Variants in AREL1 observed in about 807,000 individuals in gnomAD.
AREL1 encodes the protein apoptosis resistant E3 ubiquitin protein ligase 1, also known as apoptosis-resistant E3 ubiquitin protein ligase 1.
Under a neutral mutation model 99.0 loss-of-function variants are expected in AREL1, and 62 were observed. That is an observed-to-expected ratio of 0.63 (90% CI 0.51 to 0.77). The LOEUF is 0.77. Among genes scored for constraint, AREL1 ranks in the 30% least tolerant of loss-of-function variants. AREL1 has a pLI of 0.00. For missense variants in AREL1, 879 were observed against 1,027.6 expected (o/e 0.86, Z 1.98); for synonymous variants, 380 against 376.5 (o/e 1.01, Z -0.11).
rs764580656 is a variant in AREL1 at position 74,669,735 on chromosome 14, C to T, written c.1828G>A (p.Val610Ile). Residue 610 changes from valine to isoleucine, a missense_variant, in exon 15 of 20, where the codon GTT (valine) becomes ATT (isoleucine). Physicochemically the swap from Val to Ile is conservative, Grantham distance 29. Transcript: ENST00000356357. ...ATGTCATTGTTGAGGATAAAACAAA[C>T]TTTAGATTTGTAGAATTCTGGGTCA... is the stretch of plus-strand genomic sequence containing the variant. Reference protein sequence around the residue: ...TDDPEFYKSKVCFILNNDMSE... With the variant: ...TDDPEFYKSKICFILNNDMSE... 2 of 1,614,046 alleles carry T rather than the reference C, an allele frequency of 1.2e-6. No individual in the cohort carries two copies. The highest frequency in any genetic ancestry group is 1.7e-6 in the Non-Finnish European group (2 of 1,180,028).
intron 5 of AREL1, chr14:74,678,127 C>G (rs887875741): frequency 4.5e-6 from 2 of 443,442 alleles, no homozygotes; most frequent in Non-Finnish European, 9.0e-6. Context: ...GGCAAAGGAA[C>G]TAGAATACTA....
At chr14:74,699,951 T>A (rs1426119608) in intron 1 of AREL1, among the ~76,000 whole-genome samples, 2 of 152,214 alleles carry the variant, frequency 1.3e-5, no homozygotes, top group African/African-American at 4.8e-5. Flanking sequence ...GACAAGGCTG[T>A]ATGCACAGAC....
intron 5 of AREL1, among the ~76,000 whole-genome samples, chr14:74,678,842 C>T (rs1364057077): frequency 6.6e-6 from 1 of 152,068 alleles, no homozygotes; most frequent in Non-Finnish European, 1.5e-5. Flanking sequence ...CCAAAGATTT[C>T]TTAGACACCA....
intron 2 of AREL1, among the ~76,000 whole-genome samples, chr14:74,688,564 A>G (rs1320584339): frequency 6.6e-6 from 1 of 152,198 alleles, no homozygotes; most frequent in South Asian, 2.1e-4. Flanking sequence ...AAAACTCAAC[A>G]GACCAATTAC....
At chr14:74,681,326 G>A (rs983290793) in intron 5 of AREL1, among the ~76,000 whole-genome samples, 1 of 152,180 alleles carries the variant, frequency 6.6e-6, no homozygotes, top group African/African-American at 2.4e-5. Context: ...GATACACTCA[G>A]TAACCTGGAT....
rs1427051094 is a variant in AREL1 at position 74,667,007 on chromosome 14, AC to A, written c.2103+311del. Among the ~76,000 whole-genome samples, 7 of 152,296 alleles carry A rather than the reference AC, an allele frequency of 4.6e-5. No homozygotes were observed. The East Asian group carries it at 1.3e-3, about 29-fold the overall frequency. On this transcript the variant is annotated intron_variant, in intron 17 of 19. Coordinates refer to ENST00000356357, the MANE Select transcript of AREL1 (RefSeq NM_001039479.2). ...AGTGCTGGGATTACAGAAGTGAGCC[AC>A]CATGCCCGGCCTCAGTGATACTTGA...
At chr14:74,692,730 G>T (rs1273067353) in intron 1 of AREL1, among the ~76,000 whole-genome samples, 1 of 152,148 alleles carries the variant, frequency 6.6e-6, no homozygotes, top group Admixed American at 6.5e-5. Flanking sequence ...TTGAGACAGG[G>T]TCTTTCTCCA....
rs371393954 is a variant in AREL1 at position 74,684,672 on chromosome 14, T to C, written c.25A>G (p.Thr9Ala). The change falls in exon 4 of 20, where the codon ACA (threonine) becomes GCA (alanine). Residue 9 changes from threonine to alanine, a missense_variant. Transcript: ENST00000356357. ...AAGAAGAATGCAACCACAGACACTG[T>C]GATTCCACCTATGCAAAAGAGAGAA... is the stretch of plus-strand genomic sequence containing the variant. The part of the protein sequence containing the change: MFYVIGGI[T>A]VSVVAFFFTI... 7 of 1,613,958 alleles carry C rather than the reference T, an allele frequency of 4.3e-6. No homozygotes were observed. The highest frequency in any genetic ancestry group is 1.3e-5 in the African/African-American group (1 of 74,900).
chr14:74,663,852 C>T, intron 19 of AREL1, 30 bp from the exon 20 acceptor site: 1 of 1,614,170 alleles, frequency 6.2e-7, no homozygotes, highest in South Asian at 1.1e-5. Context: ...GTGATTAACT[C>T]ATACCACCAA....
intron 8 of AREL1, 148 bp downstream of exon 8, chr14:74,675,550 AT>A: frequency 3.5e-6 from 4 of 1,145,556 alleles, no homozygotes; most frequent in Non-Finnish European, 4.8e-6. Context: ...CTAGCAAGAA[AT>A]TTTTAACAGT....
At chr14:74,671,034 C>T (rs984877712) in intron 12 of AREL1, among the ~76,000 whole-genome samples, 163 bp from the exon 13 acceptor site, 1 of 152,154 alleles carries the variant, frequency 6.6e-6, no homozygotes, top group Non-Finnish European at 1.5e-5. Context: ...AAATCCCACC[C>T]CTTTTTGTAG....
Position 74,664,920 on chromosome 14 carries a change from C to A in AREL1, c.2109G>T (p.Leu703=), listed in dbSNP as rs763220033. Residue 703 remains leucine, a synonymous_variant, in exon 18 of 20, where the codon CTG becomes CTT. Coordinates refer to ENST00000356357, the MANE Select transcript of AREL1 (RefSeq NM_001039479.2). ...CACTGATGTCTCCAGTCCCACACAT[C>A]AGCAGCTGGAAAAAGATGGTAAGGT... ...AIFDENELEL[L]MCGTGDISVS... The A allele has an allele frequency of 2.5e-5, 40 of 1,613,208 alleles. No homozygotes were observed. The East Asian group carries it at 8.3e-4, about 33-fold the overall frequency.
intron 17 of AREL1, among the ~76,000 whole-genome samples, chr14:74,666,506 C>T (rs1445795072): frequency 1.3e-5 from 2 of 152,056 alleles, no homozygotes; most frequent in Non-Finnish European, 2.9e-5. Context: ...TGGTCTAATG[C>T]TTTTGAAATA....
chr14:74,711,735 A>T (rs2090294974), intron 1 of AREL1, among the ~76,000 whole-genome samples: 1 of 152,082 alleles, frequency 6.6e-6, no homozygotes, highest in African/African-American at 2.4e-5. Context: ...AAAGAGTGCT[A>T]CTATGATTAT....
chr14:74,692,396 A>T, intron 1 of AREL1, 68 bp from the exon 2 acceptor site: 1 of 361,038 alleles, frequency 2.8e-6, no homozygotes, highest in Non-Finnish European at 5.3e-6. Flanking sequence ...CCCCAGAAAA[A>T]AATCAAAGAG....
rs2089108176 is a variant in AREL1, at chr14:74,662,591, T to C, written c.*1129A>G. 2 of 398,594 alleles carry C rather than the reference T, an allele frequency of 5.0e-6. No individual in the cohort carries two copies. Among genetic ancestry groups the C allele is most frequent in the South Asian group, 1.3e-4 (1 of 7,852 alleles). 24.7% of individuals were successfully genotyped at this position (398,594 alleles called of 1,614,324 possible). On this transcript the variant is annotated 3_prime_UTR_variant, in exon 20 of 20. Transcript: ENST00000356357. The stretch of plus-strand genomic sequence containing the variant: ...CTTAGTTCTCCTTCCTGATAACTGA[T>C]GGAGCAAAGGGGAGTACAGGGGTTG...
At chr14:74,690,264 CAAAAAAAA>C (rs5809676) in intron 2 of AREL1, among the ~76,000 whole-genome samples, 1 of 73,126 alleles carries the variant, frequency 1.4e-5, no homozygotes, top group African/African-American at 6.0e-5. Flanking sequence ...ACCCTGTCTC[CAAAAAAAA>C]AAAAAAAAAA....
chr14:74,676,610 C>T lies in AREL1; in HGVS notation c.624G>A (p.Glu208=), dbSNP rs1382617363. 1.9e-6 allele frequency: 3 copies of T among 1,613,732 alleles called. No individual in the cohort carries two copies. Among genetic ancestry groups the T allele is most frequent in the Middle Eastern group, 1.7e-4 (1 of 6,060 alleles). ...CATGAATGGACAAGGTGTAATTGTGCTCATCTCTCAAGGACATGGAATTGT... is the reference window on the plus strand; with the variant it reads ...CATGAATGGACAAGGTGTAATTGTGTTCATCTCTCAAGGACATGGAATTGT... ...PTNNSMSLRD[E]HNYTLSIHEL... Residue 208 remains glutamate, a synonymous_variant, in exon 6 of 20, where the codon GAG becomes GAA. Transcript: ENST00000356357.
chr14:74,663,736 C>G lies in AREL1; in HGVS notation c.2456G>C (p.Gly819Ala). Residue 819 changes from glycine (G) to alanine (A), a missense_variant, in exon 20 of 20, where the codon GGC (glycine) becomes GCC (alanine). Transcript: ENST00000356357. ...LQLAISEGCE[G>A]FGML ...GGAGAGTGGTCAGAGCATGCCAAAGCCCTCGCAACCCTCGCTGATGGCCAG... is the reference window on the plus strand; with the variant it reads ...GGAGAGTGGTCAGAGCATGCCAAAGGCCTCGCAACCCTCGCTGATGGCCAG... 1 of 1,614,030 alleles carries G rather than the reference C, an allele frequency of 6.2e-7. No individual in the cohort carries two copies. Among genetic ancestry groups the G allele is most frequent in the Non-Finnish European group, 8.5e-7 (1 of 1,180,012 alleles).
Sources: gnomAD v4.1 joint callset for allele counts (sites outside exome capture counted in the v4.1 genomes callset) on GRCh38, gnomAD v4.1.1 for gene constraint, MANE v1.5 for transcripts, NCBI Gene and HGNC (gene_info 2026-07-23, HGNC 2026-07-21) for gene names.